The following WBP2NL variants were observed in gnomAD, a reference collection of about 807,000 sequenced individuals.
WBP2NL encodes postacrosomal sheath WW domain-binding protein.
In WBP2NL, 27 loss-of-function variants were observed where a neutral mutation model predicts 23.3. The ratio of observed to expected loss-of-function variants is 1.16; its 90% CI spans 0.85 to 1.60. The LOEUF (loss-of-function observed/expected upper bound fraction) is 1.60, where lower values mean the gene tolerates loss of function less well. Among genes scored for constraint, WBP2NL ranks in the 40% most tolerant of loss-of-function variants. The probability of loss-of-function intolerance (pLI) is 0.00; values close to 1 mark genes in which losing one functional copy is unlikely to be tolerated. For synonymous variants in WBP2NL, 151 were observed against 145.9 expected (o/e 1.03, Z -0.25); for missense variants, 370 against 389.5 (o/e 0.95, Z 0.42).
chr22:42,013,395 AAAAAAGAAAAAG>A (rs559813205), intron 1 of WBP2NL, among the ~76,000 whole-genome samples: 7 of 152,004 alleles, frequency 4.6e-5, no homozygotes, highest in Admixed American at 3.3e-4. Flanking sequence ...TCAAAAAAAA[AAAAAAGAAAAAG>A]AAAAAGAAAA....
intron 8 of WBP2NL, among the ~76,000 whole-genome samples, chr22:42,049,621 C>G (rs1253673953): frequency 2.2e-5 from 3 of 137,710 alleles, no homozygotes; most frequent in African/African-American, 8.3e-5. Context: ...ACCCAGGAGG[C>G]AGAGCTTGCA....
intron 5 of WBP2NL, among the ~76,000 whole-genome samples, chr22:42,026,217 A>C (rs1924464441): frequency 6.6e-6 from 1 of 151,464 alleles, no homozygotes; most frequent in Non-Finnish European, 1.5e-5. Flanking sequence ...GCTTGCAGTG[A>C]GCCAAGATCG....
intron 1 of WBP2NL, among the ~76,000 whole-genome samples, chr22:42,008,179 C>T (rs995044173): frequency 1.5e-5 from 1 of 65,348 alleles, no homozygotes; most frequent in Non-Finnish European, 3.0e-5. Flanking sequence ...TTCTCCCTCC[C>T]TTCCCTCTCC....
intron 8 of WBP2NL, among the ~76,000 whole-genome samples, chr22:42,053,602 G>A (rs1925917037): frequency 6.6e-6 from 1 of 152,038 alleles, no homozygotes; most frequent in South Asian, 2.1e-4. Flanking sequence ...TGGGACTACA[G>A]GTGCATGCCA....
chr22:42,004,231 G>A (rs965271537), intron 1 of WBP2NL, among the ~76,000 whole-genome samples: 12 of 151,928 alleles, frequency 7.9e-5, no homozygotes, highest in Non-Finnish European at 1.6e-4. Flanking sequence ...GAGATCACGT[G>A]ACTGCACTCC....
chr22:42,022,422 C>G (rs1924066156), intron 5 of WBP2NL, 66 bp downstream of exon 5: 1 of 1,396,256 alleles, frequency 7.2e-7, no homozygotes, highest in Non-Finnish European at 9.9e-7. Context: ...AAAGATCTAT[C>G]CCTTGCAGGC....
At chr22:42,023,159 C>T (rs1318221051) in intron 5 of WBP2NL, among the ~76,000 whole-genome samples, 1 of 150,296 alleles carries the variant, frequency 6.7e-6, no homozygotes, top group Non-Finnish European at 1.5e-5. Flanking sequence ...ATTATACATC[C>T]ACCAGCTGTC....
chr22:42,040,390 T>C (rs1194507550), intron 8 of WBP2NL, among the ~76,000 whole-genome samples: 1 of 152,176 alleles, frequency 6.6e-6, no homozygotes, highest in Non-Finnish European at 1.5e-5. Flanking sequence ...GCCTGGCTAA[T>C]TTTTTGTATT....
intron 1 of WBP2NL, among the ~76,000 whole-genome samples, chr22:42,006,050 C>T (rs979066288): frequency 6.6e-6 from 1 of 152,154 alleles, no homozygotes; most frequent in Non-Finnish European, 1.5e-5. Flanking sequence ...TTAGGCAAAG[C>T]TTTAGCAGAA....
At chr22:42,045,266 GTC>G (rs1569454439) in intron 8 of WBP2NL, among the ~76,000 whole-genome samples, 1 of 151,892 alleles carries the variant, frequency 6.6e-6, no homozygotes, top group African/African-American at 2.4e-5. Flanking sequence ...GTGAAACCCC[GTC>G]TCTACTAAAA....
chr22:42,046,704 T>C (rs898349427), intron 8 of WBP2NL, among the ~76,000 whole-genome samples: 3 of 152,336 alleles, frequency 2.0e-5, no homozygotes, highest in South Asian at 2.1e-4. Flanking sequence ...TTGGATTAGA[T>C]TTATTAATCT....
In WBP2NL at chr22:42,026,869, G is replaced by A. The variant is rs1031295543; in HGVS notation, c.618G>A (p.Pro206=). 2.4e-5 allele frequency: 39 copies of A among 1,606,790 alleles called. No homozygotes were observed. The highest frequency in any genetic ancestry group is 7.7e-5 in the South Asian group (7 of 90,832). Residue 206 remains proline, a synonymous_variant, in exon 6 of 6, where the codon CCG becomes CCA. Transcript: ENST00000328823. ...YGAQPVGNEG[P]PVGYRASPVR... is the part of the protein sequence containing the mutation. ...CCCAACCCGTAGGAAATGAAGGCCC[G>A]CCTGTGGGATACAGAGCCTCACCTG...
At chr22:42,014,140 C>G (rs1923093994) in intron 1 of WBP2NL, among the ~76,000 whole-genome samples, 1 of 152,020 alleles carries the variant, frequency 6.6e-6, no homozygotes, top group African/African-American at 2.4e-5. Flanking sequence ...AAGCTGGTTT[C>G]AAACTCCTGA....
chr22:42,042,271 T>A (rs1343408569), intron 8 of WBP2NL, among the ~76,000 whole-genome samples: 7 of 152,238 alleles, frequency 4.6e-5, no homozygotes, highest in Admixed American at 3.9e-4. Flanking sequence ...TCACTCTTCT[T>A]CATCTCATAA....
Position 42,027,374 on chromosome 22 carries a change from T to C in WBP2NL, c.*193T>C. On this transcript the variant is annotated 3_prime_UTR_variant, in exon 6 of 6. Transcript: ENST00000328823. ...CCTAGATTTTAGAAGCAGAATCAAC[T>C]CTTAAATAGCTGGCTAAAGGAAGAA... The C allele has an allele frequency of 1.5e-6, 1 of 649,004 alleles. No homozygotes were observed. Among genetic ancestry groups the C allele is most frequent in the South Asian group, 3.4e-5 (1 of 29,544 alleles). The allele number at this position is 649,004 out of a possible 1,614,324, so 40.2% of individuals were successfully genotyped here. A position where few individuals can be genotyped will look rare whatever the true frequency, so the allele number is the denominator to read the frequency against.
At chr22:42,001,328 T>C (rs750987746) in intron 1 of WBP2NL, 3 of 692,652 alleles carry the variant, frequency 4.3e-6, no homozygotes, top group Non-Finnish European at 7.9e-6. Flanking sequence ...ATCATCCAAC[T>C]GATGACAATG....
Position 42,015,495 on chromosome 22 carries a change from C to T in WBP2NL, c.63-3816C>T, listed in dbSNP as rs537123951. Among the ~76,000 whole-genome samples the T allele has an allele frequency of 3.7e-4, 57 of 152,124 alleles. No homozygotes were observed. The South Asian group carries it at 0.011, about 29-fold the overall frequency. ...TTGGCTCACTGCAACCTCTGCCTCC[C>T]GGGTTCAAGCAATTCTCCTGCCTCA... On this transcript the variant is annotated intron_variant, in intron 1 of 5. Transcript: ENST00000328823.
intron 8 of WBP2NL, among the ~76,000 whole-genome samples, chr22:42,048,873 A>C (rs1925706159): frequency 6.6e-6 from 1 of 152,194 alleles, no homozygotes; most frequent in African/African-American, 2.4e-5. Flanking sequence ...AGGTGACATA[A>C]AACTCTGTGG....
rs370522433 is a variant in WBP2NL at position 42,027,137 on chromosome 22, G to C, written c.886G>C (p.Glu296Gln). ...TACAGCAGCCCAGGCTCCTGAAAAC[G>C]AGGCTTCTCTTCCCTCTGCCTCCTC... ...ESTAAQAPEN[E>Q]ASLPSASSSQ... Residue 296 changes from glutamate (E) to glutamine (Q), a missense_variant, in exon 6 of 6, where the codon GAG (glutamate) becomes CAG (glutamine). By Grantham distance (29) the Glu-to-Gln change is conservative. Transcript: ENST00000328823. 3.7e-6 allele frequency: 6 copies of C among 1,613,876 alleles called. No homozygotes were observed. In the African/African-American group the frequency reaches 4.0e-5, roughly 11 times the overall value.
Sources: gnomAD v4.1 joint callset for allele counts (sites outside exome capture counted in the v4.1 genomes callset) on GRCh38, gnomAD v4.1.1 for gene constraint, MANE v1.5 for transcripts, NCBI Gene and HGNC (gene_info 2026-07-23, HGNC 2026-07-21) for gene names.